NEURL1: variants seen among roughly 807,000 people sequenced by gnomAD.
NEURL1 encodes neuralized E3 ubiquitin protein ligase 1, also known as E3 ubiquitin-protein ligase NEURL1.
In NEURL1, 26 loss-of-function variants were observed where a neutral mutation model predicts 41.2. The ratio of observed to expected loss-of-function variants is 0.63; its 90% CI spans 0.46 to 0.87. The LOEUF (loss-of-function observed/expected upper bound fraction) is 0.87. NEURL1 is among the 40% of genes least tolerant of loss of function. The probability of loss-of-function intolerance (pLI) is 0.00; values close to 1 mark genes in which losing one functional copy is unlikely to be tolerated. For synonymous variants in NEURL1, 400 were observed against 402.3 expected (o/e 0.99, Z 0.07); for missense variants, 761 against 871.1 (o/e 0.87, Z 1.59).
chr10:103,588,604 G>A, intron 4 of NEURL1: 1 of 348,844 alleles, frequency 2.9e-6, no homozygotes, highest in Admixed American at 3.7e-5. Flanking sequence ...AGGATTTGTT[G>A]AAGGGAGGAG....
chr10:103,573,692 A>G (rs1185281034), intron 3 of NEURL1, among the ~76,000 whole-genome samples: 1 of 152,092 alleles, frequency 6.6e-6, no homozygotes, highest in East Asian at 1.9e-4. Context: ...CCAGGACTTA[A>G]CCACATGGTG....
At chr10:103,563,175 A>G (rs1243557947) in intron 1 of NEURL1, among the ~76,000 whole-genome samples, 1 of 152,214 alleles carries the variant, frequency 6.6e-6, no homozygotes, top group East Asian at 1.9e-4. Flanking sequence ...CATTTCCTGC[A>G]GTAGTTATGT....
intron 1 of NEURL1, among the ~76,000 whole-genome samples, chr10:103,495,245 C>T (rs898997178): frequency 6.6e-6 from 1 of 152,186 alleles, no homozygotes; most frequent in African/African-American, 2.4e-5. Context: ...GCTGGGTCCT[C>T]CCGGGCCCTC....
At position 103,545,258 on chromosome 10, in the gene NEURL1, C is replaced by T. The variant is rs2133865438; in HGVS notation, c.86-25614C>T. On this transcript the variant is annotated intron_variant, in intron 1 of 5. Transcript: ENST00000369780. The surrounding 1 kb of genome is among the most constrained non-coding windows in gnomAD (Gnocchi z 4.5). ...GGAATACCACAGTCCTGACAGCCAC[C>T]TTTGGTGGCCACACCTGAACTCTGG... Among the ~76,000 whole-genome samples the T allele has an allele frequency of 6.6e-6, 1 of 152,348 alleles. No individual in the cohort carries two copies. The highest frequency in any genetic ancestry group is 1.9e-4 in the East Asian group (1 of 5,188).
intron 1 of NEURL1, among the ~76,000 whole-genome samples, chr10:103,495,411 A>G (rs2033659140): frequency 6.6e-6 from 1 of 152,240 alleles, no homozygotes; most frequent in Non-Finnish European, 1.5e-5. Flanking sequence ...TGAGAAGGAT[A>G]ACAATAGTGC....
intron 1 of NEURL1, among the ~76,000 whole-genome samples, chr10:103,515,159 C>T (rs1382109139): frequency 3.0e-5 from 4 of 131,686 alleles, no homozygotes; most frequent in African/African-American, 5.9e-5. Flanking sequence ...GCCTGGGAGG[C>T]GGAGGTTGCA....
chr10:103,494,420 GC>G lies in NEURL1; in HGVS notation c.37del (p.Arg13GlufsTer96). On this transcript the variant is annotated frameshift_variant, in exon 1 of 6. Coordinates refer to ENST00000369780, the MANE Select transcript of NEURL1 (RefSeq NM_004210.5). LOFTEE classifies it high-confidence loss of function. Reference protein sequence around the residue: ...GNNFSSIPSLPRGNPSRAPRG... With the variant: ...GNNFSSIPSLXRGNPSRAPRG... Reference sequence around the variant, plus strand: ...ACAACTTCTCCAGTATCCCCTCGCTGCCCCGAGGAAACCCGAGCCGCGCGCC... The same window carrying G: ...ACAACTTCTCCAGTATCCCCTCGCTGCCCGAGGAAACCCGAGCCGCGCGCC... 6.3e-7 allele frequency: 1 copy of G among 1,599,078 alleles called. No homozygotes were observed. The highest frequency in any genetic ancestry group is 8.5e-7 in the Non-Finnish European group (1 of 1,173,380).
At chr10:103,528,408 G>A (rs1366482037) in intron 1 of NEURL1, among the ~76,000 whole-genome samples, 2 of 151,954 alleles carry the variant, frequency 1.3e-5, no homozygotes, top group African/African-American at 4.8e-5. Context: ...GGTGGTGTGT[G>A]CCTATAGTCC....
intron 1 of NEURL1, among the ~76,000 whole-genome samples, chr10:103,509,187 G>A (rs1053689797): frequency 1.1e-4 from 16 of 148,438 alleles, no homozygotes; most frequent in South Asian, 2.1e-4. Flanking sequence ...AGCCAAGATC[G>A]CACCACTGCA....
In NEURL1 at chr10:103,590,250, A is replaced by G; in HGVS notation, c.1603A>G (p.Thr535Ala). 2 of 1,614,036 alleles carry G rather than the reference A, an allele frequency of 1.2e-6. No homozygotes were observed. The highest frequency in any genetic ancestry group is 1.7e-6 in the Non-Finnish European group (2 of 1,179,986). The part of the protein sequence containing the change: ...YEHAVDTVIY[T>A]CGHMCLCYAC... ...ACACGCGGTGGACACGGTCATCTAC[A>G]CATGTGGCCACATGTGCCTCTGCTA... The change falls in exon 6 of 6, where the codon ACA becomes GCA. Residue 535 changes from threonine to alanine, a missense_variant. Physicochemically the swap from Thr to Ala is moderately conservative, Grantham distance 58. This residue lies in a region of NEURL1 where 45 missense variants were observed against 89.9 expected (regional missense o/e 0.50). Coordinates refer to ENST00000369780, the MANE Select transcript of NEURL1 (RefSeq NM_004210.5).
rs1466373234 is a variant in NEURL1 at position 103,566,558 on chromosome 10, T to C, written c.86-4314T>C. 6.6e-6 allele frequency among the ~76,000 whole-genome samples: 1 copy of C among 152,146 alleles called. No homozygotes were observed. The highest frequency in any genetic ancestry group is 1.5e-5 in the Non-Finnish European group (1 of 68,026). ...GGTTATGTTCCTTTTTATTGCAGAGTAGTGATTGCATGGAGCTGCCACATT... is the reference window on the plus strand; with the variant it reads ...GGTTATGTTCCTTTTTATTGCAGAGCAGTGATTGCATGGAGCTGCCACATT... On this transcript the variant is annotated intron_variant, in intron 1 of 5. Coordinates refer to ENST00000369780, the MANE Select transcript of NEURL1 (RefSeq NM_004210.5). This position sits in a 1 kb window ranked among gnomAD's most constrained non-coding sequence, Gnocchi z 4.2.
intron 1 of NEURL1, among the ~76,000 whole-genome samples, chr10:103,559,206 T>C (rs1409818566): frequency 6.6e-6 from 1 of 152,134 alleles, no homozygotes; most frequent in Non-Finnish European, 1.5e-5. Flanking sequence ...CAGAGGGAGC[T>C]ACCTATCTCC....
Position 103,533,736 on chromosome 10 carries a change from C to T in NEURL1, c.86-37136C>T, listed in dbSNP as rs187957933. 3.7e-3 allele frequency among the ~76,000 whole-genome samples: 568 copies of T among 152,232 alleles called. 1 individual carries two copies. The highest frequency in any genetic ancestry group is 0.013 in the African/African-American group (542 of 41,534). Reference sequence around the variant, plus strand: ...TATTTTTAGTAGAGACGGGGTTTCACCGTGTTAGCCAGGATGGTCTCGATC... The same window carrying T: ...TATTTTTAGTAGAGACGGGGTTTCATCGTGTTAGCCAGGATGGTCTCGATC... On this transcript the variant is annotated intron_variant, in intron 1 of 5. Coordinates refer to ENST00000369780, the MANE Select transcript of NEURL1 (RefSeq NM_004210.5).
intron 5 of NEURL1, 120 bp downstream of exon 5, chr10:103,589,780 G>T (rs1242242869): frequency 7.3e-7 from 1 of 1,363,894 alleles, no homozygotes; most frequent in African/African-American, 1.5e-5. Flanking sequence ...AACCCTTGTT[G>T]GGGGGTGATT....
Position 103,508,021 on chromosome 10 carries a change from T to G in NEURL1, c.85+13549T>G, listed in dbSNP as rs1267416792. 6.6e-6 allele frequency among the ~76,000 whole-genome samples: 1 copy of G among 152,120 alleles called. No individual in the cohort carries two copies. Among genetic ancestry groups the G allele is most frequent in the Admixed American group, 6.5e-5 (1 of 15,288 alleles). On this transcript the variant is annotated intron_variant, in intron 1 of 5. Coordinates refer to ENST00000369780, the MANE Select transcript of NEURL1 (RefSeq NM_004210.5). The surrounding 1 kb of genome is among the most constrained non-coding windows in gnomAD (Gnocchi z 4.3). The stretch of plus-strand genomic sequence containing the variant: ...CCCCACCCTGGGGCTCAGCACTTAT[T>G]AAATTATAAAACTGTCAAGGGATGG...
At chr10:103,553,535 C>T (rs913558280) in intron 1 of NEURL1, among the ~76,000 whole-genome samples, 11 of 152,174 alleles carry the variant, frequency 7.2e-5, no homozygotes, top group African/African-American at 1.2e-4. Context: ...AGGGGAGCAT[C>T]GGCCGACTGG....
chr10:103,587,352 G>A (rs1400559429), intron 4 of NEURL1, among the ~76,000 whole-genome samples: 2 of 152,130 alleles, frequency 1.3e-5, no homozygotes, highest in Non-Finnish European at 2.9e-5. Flanking sequence ...GCAAAGGGGA[G>A]GCTTAAAAAA....
intron 1 of NEURL1, among the ~76,000 whole-genome samples, chr10:103,569,333 A>C (rs2035489383): frequency 6.6e-6 from 1 of 152,206 alleles, no homozygotes; most frequent in African/African-American, 2.4e-5. Context: ...TTTACTGCCG[A>C]GTAGTATTCC....
chr10:103,543,611 T>C (rs2133864829), intron 1 of NEURL1, among the ~76,000 whole-genome samples: 1 of 152,366 alleles, frequency 6.6e-6, no homozygotes. Flanking sequence ...GATACCTTTC[T>C]ACCTTCAGGG....
Sources: gnomAD v4.1 joint callset for allele counts (sites outside exome capture counted in the v4.1 genomes callset) on GRCh38, gnomAD v4.1.1 for gene constraint, gnomAD v4.1.1 regional missense constraint, Gnocchi (gnomAD v3.1) non-coding constraint, MANE v1.5 for transcripts, NCBI Gene and HGNC (gene_info 2026-07-23, HGNC 2026-07-21) for gene names.